The following PCDH11X variants were observed in gnomAD, a reference collection of about 807,000 sequenced individuals.
PCDH11X encodes protocadherin-11 X-linked.
PCDH11X carries 18 observed loss-of-function variants against 53.3 expected under a neutral mutation model. The ratio of observed to expected loss-of-function variants is 0.34; its 90% confidence interval spans 0.23 to 0.50. The LOEUF (loss-of-function observed/expected upper bound fraction) is 0.50, where lower values mean the gene tolerates loss of function less well. Among genes scored for constraint, PCDH11X ranks in the 20% least tolerant of loss-of-function variants. PCDH11X has a pLI of 0.98. For synonymous variants in PCDH11X, 279 were observed against 393.3 expected (o/e 0.71, Z 3.44); for missense variants, 570 against 1,032.4 (o/e 0.55, Z 6.14).
At chrX:91,837,265 T>A (rs757438256) in intron 5 of PCDH11X, among the ~76,000 whole-genome samples, 1 of 111,648 alleles carries the variant, frequency 9.0e-6, no homozygotes, top group Non-Finnish European at 1.9e-5. Context: ...AATGCAGATA[T>A]GTTTGAGTAT....
At chrX:92,518,690 A>AG (rs1455737686) in intron 10 of PCDH11X, among the ~76,000 whole-genome samples, 1 of 110,344 alleles carries the variant, frequency 9.1e-6, no homozygotes, top group African/African-American at 3.3e-5. Context: ...GCAAAAGAAA[A>AG]GTTCCCTAGA....
intron 6 of PCDH11X, among the ~76,000 whole-genome samples, chrX:91,926,118 A>G (rs1312485911): frequency 2.9e-5 from 3 of 105,244 alleles, no homozygotes; most frequent in Admixed American, 2.1e-4. Context: ...ACACACATAT[A>G]TATATAGAAG....
chrX:92,185,881 A>G (rs1277288844), intron 6 of PCDH11X, among the ~76,000 whole-genome samples: 1 of 111,576 alleles, frequency 9.0e-6, no homozygotes, highest in Non-Finnish European at 1.9e-5. Context: ...AAGGATGAAG[A>G]GAATGGGAAC....
rs182949391 is a variant in PCDH11X, at chrX:92,298,598, A to C, written c.3144+35455A>C. On this transcript the variant is annotated intron_variant, in intron 8 of 10. Coordinates refer to ENST00000682573, the MANE Select transcript of PCDH11X (RefSeq NM_032968.5). ...TACTTTCATCAAGTATATTTGCATG[A>C]AGTTTTCTTTTTTTGTTGTGTCTCT... Among the ~76,000 whole-genome samples, 27 of 111,445 alleles carry C rather than the reference A, an allele frequency of 2.4e-4. No homozygotes were observed. In the East Asian group the frequency reaches 7.1e-3, roughly 29 times the overall value.
intron 10 of PCDH11X, among the ~76,000 whole-genome samples, chrX:92,591,771 C>A (rs1925060629): frequency 9.0e-6 from 1 of 110,910 alleles, no homozygotes; most frequent in South Asian, 3.9e-4. Context: ...ATATGCCAAG[C>A]CCCTGGGTGA....
intron 7 of PCDH11X, among the ~76,000 whole-genome samples, chrX:92,235,281 C>T (rs1438199879): frequency 9.0e-6 from 1 of 111,028 alleles, no homozygotes; most frequent in Non-Finnish European, 1.9e-5. Context: ...GGAGGCTTTG[C>T]ATGATTGGGT....
intron 8 of PCDH11X, among the ~76,000 whole-genome samples, chrX:92,360,392 G>T (rs748530736): frequency 1.8e-5 from 2 of 111,041 alleles, no homozygotes; most frequent in Non-Finnish European, 3.8e-5. Context: ...ATTTTAACGC[G>T]CAAAATATTT....
intron 5 of PCDH11X, among the ~76,000 whole-genome samples, chrX:91,858,991 G>C (rs909690698): frequency 2.8e-5 from 3 of 108,385 alleles, no homozygotes; most frequent in Non-Finnish European, 5.7e-5. Flanking sequence ...CCAGTTTACT[G>C]TATCAGTCCA....
At chrX:92,150,034 A>G (rs1365288301) in intron 6 of PCDH11X, among the ~76,000 whole-genome samples, 1 of 111,617 alleles carries the variant, frequency 9.0e-6, no homozygotes, top group Non-Finnish European at 1.9e-5. Flanking sequence ...CTTTTTGTCT[A>G]TTATGGATAA....
intron 6 of PCDH11X, among the ~76,000 whole-genome samples, chrX:91,975,551 G>A (rs763488959): frequency 1.1e-3 from 122 of 111,083 alleles, no homozygotes; most frequent in Non-Finnish European, 2.1e-4. Flanking sequence ...CCAAAGAAAT[G>A]AGTGTGTAGA....
intron 6 of PCDH11X, among the ~76,000 whole-genome samples, chrX:91,996,273 C>T (rs1044763298): frequency 1.9e-5 from 2 of 103,081 alleles, no homozygotes; most frequent in South Asian, 4.8e-4. Context: ...CTCAGCCTCC[C>T]GAGTAGCTGG....
chrX:92,465,331 C>G (rs2073137150), intron 9 of PCDH11X, among the ~76,000 whole-genome samples: 2 of 111,318 alleles, frequency 1.8e-5, no homozygotes, highest in Admixed American at 1.9e-4. Flanking sequence ...TCAATTGACT[C>G]TAGTAGTAAA....
intron 4 of PCDH11X, 72 bp downstream of exon 4, chrX:91,811,367 T>C (rs2147560634): frequency 2.2e-6 from 2 of 904,711 alleles, no homozygotes; most frequent in East Asian, 3.2e-5. Flanking sequence ...AGTAATTTTG[T>C]CTGAACTCCA....
intron 4 of PCDH11X, among the ~76,000 whole-genome samples, chrX:91,825,249 C>T (rs761311659): frequency 9.1e-6 from 1 of 109,564 alleles, no homozygotes; most frequent in South Asian, 3.8e-4. Flanking sequence ...GAAGCCTGGG[C>T]AATGGCGGGT....
intron 10 of PCDH11X, among the ~76,000 whole-genome samples, chrX:92,542,458 T>C (rs1247082188): frequency 4.5e-5 from 5 of 110,980 alleles, no homozygotes; most frequent in Non-Finnish European, 9.4e-5. Flanking sequence ...CTGGGACCAC[T>C]AGCACCTTTT....
chrX:92,484,146 TA>T (rs2073573819), intron 10 of PCDH11X, among the ~76,000 whole-genome samples: 1 of 37,614 alleles, frequency 2.7e-5, no homozygotes, highest in African/African-American at 9.3e-5. Flanking sequence ...TGTATGTATA[TA>T]TATGTATATA....
chrX:92,128,194 G>A (rs1177540914), intron 6 of PCDH11X, among the ~76,000 whole-genome samples: 1 of 111,014 alleles, frequency 9.0e-6, no homozygotes, highest in Non-Finnish European at 1.9e-5. Flanking sequence ...TCTTCTGATG[G>A]GAGCATGCAC....
At chrX:92,142,399 C>T (rs867101163) in intron 6 of PCDH11X, among the ~76,000 whole-genome samples, 1 of 96,742 alleles carries the variant, frequency 1.0e-5, no homozygotes, top group Non-Finnish European at 2.1e-5. Flanking sequence ...CACACACACA[C>T]ATCTACACAT....
At chrX:92,053,569 T>C (rs1314244086) in intron 6 of PCDH11X, among the ~76,000 whole-genome samples, 1 of 93,737 alleles carries the variant, frequency 1.1e-5, no homozygotes, top group Non-Finnish European at 2.0e-5. Flanking sequence ...GACATTGAAC[T>C]GAGTCTTTTT....
Sources: allele counts gnomAD v4.1 joint callset (sites outside exome capture counted in the v4.1 genomes callset), GRCh38; gene constraint gnomAD v4.1.1; transcripts MANE v1.5; gene names NCBI Gene and HGNC (gene_info 2026-07-23, HGNC 2026-07-21).